Variants in CSMD1 observed in about 807,000 individuals in gnomAD.
The protein encoded by CSMD1 is CUB and Sushi multiple domains 1, also known as CUB and sushi domain-containing protein 1.
A neutral mutation model predicts 417.5 loss-of-function variants in CSMD1; 213 were observed. The ratio of observed to expected loss-of-function variants is 0.51; its 90% CI spans 0.46 to 0.57. The LOEUF is 0.57. CSMD1 is among the 20% of genes least tolerant of loss of function. CSMD1 has a pLI of 0.00. For synonymous variants in CSMD1, 2,862 were observed against 1,736.8 expected (o/e 1.65, Z -16.11); for missense variants, 6,923 against 4,529.7 (o/e 1.53, Z -15.17).
chr8:3,948,488 G>A (rs1018822307), intron 5 of CSMD1, among the ~76,000 whole-genome samples: 3 of 152,046 alleles, frequency 2.0e-5, no homozygotes, highest in Non-Finnish European at 4.4e-5. Flanking sequence ...TTCTCCAGAA[G>A]TTGTTTTGAA....
chr8:3,419,867 G>C (rs977237457), intron 12 of CSMD1, among the ~76,000 whole-genome samples: 3 of 152,124 alleles, frequency 2.0e-5, no homozygotes, highest in Admixed American at 2.0e-4. Context: ...AAAGTGAGTA[G>C]AAATATAGAC....
chr8:4,923,250 T>C (rs1806620441), intron 1 of CSMD1, among the ~76,000 whole-genome samples: 1 of 152,202 alleles, frequency 6.6e-6, no homozygotes, highest in Non-Finnish European at 1.5e-5. Context: ...AGCTGTCCTT[T>C]CTTCTACCCT....
At chr8:4,205,590 G>T (rs1440068359) in intron 3 of CSMD1, among the ~76,000 whole-genome samples, 1 of 152,188 alleles carries the variant, frequency 6.6e-6, no homozygotes, top group Admixed American at 6.5e-5. Context: ...AAATGATGGG[G>T]TAGGATGAAG....
intron 17 of CSMD1, among the ~76,000 whole-genome samples, chr8:3,389,386 C>A (rs1006454117): frequency 1.3e-5 from 2 of 152,064 alleles, no homozygotes; most frequent in Non-Finnish European, 2.9e-5. Context: ...CCTGTTGCTG[C>A]ATTAGTTTGC....
At chr8:3,335,222 G>T (rs1453841520) in intron 23 of CSMD1, among the ~76,000 whole-genome samples, 1 of 152,070 alleles carries the variant, frequency 6.6e-6, no homozygotes, top group African/African-American at 2.4e-5. Flanking sequence ...GGTTCCTTTT[G>T]CCCATACCCT....
intron 10 of CSMD1, among the ~76,000 whole-genome samples, chr8:3,534,193 T>C (rs946757587): frequency 6.6e-6 from 1 of 152,192 alleles, no homozygotes; most frequent in African/African-American, 2.4e-5. Context: ...CATCACTTAC[T>C]CACTCCTGCA....
chr8:4,174,638 G>T (rs1366941768), intron 3 of CSMD1, among the ~76,000 whole-genome samples: 2 of 144,510 alleles, frequency 1.4e-5, no homozygotes, highest in African/African-American at 2.6e-5. Context: ...CTAAGACCTG[G>T]GAATGTAGGA....
At chr8:4,442,179 A>G (rs1295415067) in intron 2 of CSMD1, among the ~76,000 whole-genome samples, 2 of 152,224 alleles carry the variant, frequency 1.3e-5, no homozygotes, top group African/African-American at 2.4e-5. Context: ...ATGCAGGCAA[A>G]GTGACAATCT....
At chr8:3,837,105 T>G (rs944293111) in intron 5 of CSMD1, among the ~76,000 whole-genome samples, 2 of 151,682 alleles carry the variant, frequency 1.3e-5, no homozygotes, top group African/African-American at 4.9e-5. Context: ...TTGAGTAGAT[T>G]ACCATTCAGT....
At chr8:2,955,823 T>A (rs1802963129) in intron 63 of CSMD1, 55 bp from the exon 64 acceptor site, 2 of 1,515,374 alleles carry the variant, frequency 1.3e-6, no homozygotes, top group Non-Finnish European at 1.8e-6. Context: ...TTAGCACATG[T>A]GTCTAGAGAA....
chr8:4,422,510 G>GA (rs1400136513), intron 2 of CSMD1, among the ~76,000 whole-genome samples: 7 of 152,088 alleles, frequency 4.6e-5, no homozygotes, highest in African/African-American at 1.7e-4. Flanking sequence ...CACATACTGA[G>GA]AAAAGACCAT....
intron 5 of CSMD1, among the ~76,000 whole-genome samples, chr8:3,781,318 G>C (rs537624553): frequency 1.6e-4 from 25 of 152,224 alleles, no homozygotes; most frequent in Admixed American, 1.3e-3. Context: ...ACATGTCTTT[G>C]TTCTTTTCAT....
chr8:4,118,436 T>C (rs1341122751), intron 3 of CSMD1, among the ~76,000 whole-genome samples: 2 of 150,788 alleles, frequency 1.3e-5, no homozygotes, highest in Non-Finnish European at 2.9e-5. Context: ...ACAAAGGATA[T>C]GGACAGTCAC....
intron 3 of CSMD1, among the ~76,000 whole-genome samples, chr8:4,231,857 A>G (rs1002471253): frequency 6.6e-6 from 1 of 152,240 alleles, no homozygotes; most frequent in Non-Finnish European, 1.5e-5. Context: ...TGTATATGAT[A>G]AAGGATCAAA....
chr8:4,286,674 T>G (rs1486660518), intron 3 of CSMD1, among the ~76,000 whole-genome samples: 1 of 152,164 alleles, frequency 6.6e-6, no homozygotes, highest in East Asian at 1.9e-4. Flanking sequence ...CATACTGATT[T>G]TGTAGGGCCA....
At chr8:4,151,372 G>C (rs949602950) in intron 3 of CSMD1, among the ~76,000 whole-genome samples, 1 of 152,092 alleles carries the variant, frequency 6.6e-6, no homozygotes, top group Non-Finnish European at 1.5e-5. Flanking sequence ...CTACAATTCA[G>C]TTTCTAGATC....
chr8:4,517,026 G>C (rs1457965579), intron 2 of CSMD1, among the ~76,000 whole-genome samples: 1 of 152,112 alleles, frequency 6.6e-6, no homozygotes, highest in Admixed American at 6.6e-5. Flanking sequence ...TTAAGATTTG[G>C]AAGACTAATT....
At chr8:3,733,205 A>ACACACACACACACTCT (rs1554525004) in intron 6 of CSMD1, among the ~76,000 whole-genome samples, 2 of 87,096 alleles carry the variant, frequency 2.3e-5, no homozygotes, top group East Asian at 5.8e-4. Flanking sequence ...ACACACACAC[A>ACACACACACACACTCT]CTCTCTCTCT....
At chr8:3,442,614 A>T (rs1815057278) in intron 12 of CSMD1, among the ~76,000 whole-genome samples, 1 of 152,172 alleles carries the variant, frequency 6.6e-6, no homozygotes, top group Non-Finnish European at 1.5e-5. Flanking sequence ...CAGGCTATAC[A>T]ATCTGGGTTT....
Sources: allele counts gnomAD v4.1 joint callset (sites outside exome capture counted in the v4.1 genomes callset), GRCh38; gene constraint gnomAD v4.1.1; transcripts MANE v1.5; gene names NCBI Gene and HGNC (gene_info 2026-07-23, HGNC 2026-07-21).